Variants in VWA8 observed in about 807,000 individuals in gnomAD.
The protein encoded by VWA8 is von Willebrand factor A domain containing 8, also known as von Willebrand factor A domain-containing protein 8.
Under a neutral mutation model 241.5 loss-of-function variants are expected in VWA8, and 221 were observed. The ratio of observed to expected loss-of-function variants is 0.91; its 90% CI spans 0.82 to 1.02. The LOEUF (loss-of-function observed/expected upper bound fraction) is 1.02, where lower values mean the gene tolerates loss of function less well. Among genes scored for constraint, VWA8 ranks in the 50% least tolerant of loss-of-function variants. The pLI is 0.00. For synonymous variants in VWA8, 852 were observed against 827.1 expected (o/e 1.03, Z -0.52); for missense variants, 2,322 against 2,328.7 (o/e 1.00, Z 0.06).
intron 29 of VWA8, among the ~76,000 whole-genome samples, chr13:41,693,303 T>C (rs1206035332): frequency 6.6e-6 from 1 of 152,066 alleles, no homozygotes; most frequent in Non-Finnish European, 1.5e-5. Context: ...CATGATTCTG[T>C]TTTATTATCT....
intron 35 of VWA8, among the ~76,000 whole-genome samples, chr13:41,683,021 G>A (rs35014929): frequency 0.016 from 2,440 of 152,166 alleles, 37 homozygotes; most frequent in African/African-American, 0.044. Flanking sequence ...ATGCAAAATG[G>A]TATTTCCACT....
intron 2 of VWA8, among the ~76,000 whole-genome samples, chr13:41,930,088 G>A (rs1877034071): frequency 6.6e-6 from 1 of 152,172 alleles, no homozygotes; most frequent in South Asian, 2.1e-4. Flanking sequence ...ATTCTCCAAA[G>A]AAGGTGTAAA....
chr13:41,798,467 T>A (rs1219623695), intron 17 of VWA8, among the ~76,000 whole-genome samples: 3 of 152,232 alleles, frequency 2.0e-5, no homozygotes, highest in Admixed American at 2.0e-4. Context: ...CTCAACACTT[T>A]CAGGATACTA....
intron 25 of VWA8, among the ~76,000 whole-genome samples, chr13:41,720,275 T>C (rs2045378703): frequency 6.6e-6 from 1 of 152,168 alleles, no homozygotes; most frequent in South Asian, 2.1e-4. Context: ...TTTACACTGC[T>C]CATGTCCTCT....
chr13:41,628,928 C>G (rs1362877081), intron 37 of VWA8, among the ~76,000 whole-genome samples: 1 of 152,090 alleles, frequency 6.6e-6, no homozygotes, highest in Non-Finnish European at 1.5e-5. Context: ...GTAGTCCCAG[C>G]TACTCGGGAG....
intron 21 of VWA8, among the ~76,000 whole-genome samples, chr13:41,744,278 A>G (rs761454277): frequency 1.3e-4 from 20 of 152,194 alleles, no homozygotes; most frequent in Non-Finnish European, 2.5e-4. Flanking sequence ...AAACATTTCC[A>G]TCTCTGGTTC....
At chr13:41,623,726 A>T (rs535093847) in intron 37 of VWA8, among the ~76,000 whole-genome samples, 82 of 152,292 alleles carry the variant, frequency 5.4e-4, no homozygotes, top group African/African-American at 1.8e-3. Flanking sequence ...CTCACGTGGG[A>T]TACAGAGATT....
At chr13:41,940,174 A>G (rs951933088) in intron 2 of VWA8, among the ~76,000 whole-genome samples, 1 of 152,208 alleles carries the variant, frequency 6.6e-6, no homozygotes, top group Admixed American at 6.5e-5. Flanking sequence ...TTTCCTGGCT[A>G]TGAACTGAAA....
intron 8 of VWA8, among the ~76,000 whole-genome samples, chr13:41,884,203 A>G (rs1330857781): frequency 1.3e-5 from 2 of 152,146 alleles, no homozygotes; most frequent in Admixed American, 6.5e-5. Context: ...CTTGAATTGT[A>G]GCTCCCACAA....
intron 21 of VWA8, among the ~76,000 whole-genome samples, chr13:41,743,511 A>G (rs1289847769): frequency 6.6e-6 from 1 of 152,212 alleles, no homozygotes; most frequent in Non-Finnish European, 1.5e-5. Flanking sequence ...TCAAATCTGC[A>G]TTGGGTCAAT....
At chr13:41,907,563 G>C in intron 4 of VWA8, 23 bp downstream of exon 4, 2 of 1,600,894 alleles carry the variant, frequency 1.2e-6, no homozygotes, top group Non-Finnish European at 1.7e-6. Flanking sequence ...CACAGTCATG[G>C]GCTAGAGTGT....
At chr13:41,689,254 GAAA>G (rs2045158673) in intron 34 of VWA8, 97 bp downstream of exon 34, 2 of 1,284,500 alleles carry the variant, frequency 1.6e-6, no homozygotes, top group African/African-American at 3.0e-5. Flanking sequence ...TGTTTACCAG[GAAA>G]TTATGTTTTT....
intron 19 of VWA8, among the ~76,000 whole-genome samples, chr13:41,783,449 C>T (rs1391944029): frequency 6.6e-6 from 1 of 151,604 alleles, no homozygotes; most frequent in Non-Finnish European, 1.5e-5. Flanking sequence ...GCCAGCCTGG[C>T]CAATATGGTG....
At chr13:41,765,142 A>G (rs2045770738) in intron 20 of VWA8, among the ~76,000 whole-genome samples, 1 of 152,060 alleles carries the variant, frequency 6.6e-6, no homozygotes, top group East Asian at 1.9e-4. Flanking sequence ...GGCAGGTCAC[A>G]GAAGAAACAG....
intron 43 of VWA8, among the ~76,000 whole-genome samples, chr13:41,572,003 C>G (rs980857122): frequency 2.0e-5 from 3 of 152,146 alleles, no homozygotes; most frequent in African/African-American, 7.2e-5. Context: ...GGTGGCGACC[C>G]CGTCTGGGAA....
In VWA8 at chr13:41,692,918, G is replaced by A. The variant is rs780068099; in HGVS notation, c.3619C>T (p.Leu1207Phe). 2 of 1,611,404 alleles carry A rather than the reference G, an allele frequency of 1.2e-6. 1 individual carries two copies. The highest frequency in any genetic ancestry group is 2.2e-5 in the South Asian group (2 of 90,938). Residue 1207 changes from leucine (L) to phenylalanine (F), a missense_variant, in exon 30 of 45, where the codon CTC (leucine) becomes TTC (phenylalanine). Transcript: ENST00000379310. ...TTAGATGTAAACTTCTCGGAAGGGA[G>A]GATGAGACGATGAAGGGCCCGGCCA... ...TTGRALHRLI[L>F]PSEKFTSKKP...
At chr13:41,716,994 A>G (rs7997427) in intron 26 of VWA8, among the ~76,000 whole-genome samples, 122,305 of 151,486 alleles carry the variant, frequency 0.81, 50,387 homozygotes, top group South Asian at 0.92. Flanking sequence ...CAGGGGTGGA[A>G]AGGGGGAATG....
intron 14 of VWA8, among the ~76,000 whole-genome samples, chr13:41,824,926 A>T (rs934763848): frequency 3.9e-5 from 6 of 152,084 alleles, no homozygotes; most frequent in Non-Finnish European, 8.8e-5. Context: ...TCAGTATATC[A>T]ATGACAGATA....
chr13:41,852,342 C>T (rs574192944), intron 12 of VWA8, among the ~76,000 whole-genome samples: 1 of 152,160 alleles, frequency 6.6e-6, no homozygotes, highest in Non-Finnish European at 1.5e-5. Context: ...GAAATTAACT[C>T]TTTGTCAGCT....
Sources: gnomAD v4.1 joint callset for allele counts (sites outside exome capture counted in the v4.1 genomes callset) on GRCh38, gnomAD v4.1.1 for gene constraint, MANE v1.5 for transcripts, NCBI Gene and HGNC (gene_info 2026-07-23, HGNC 2026-07-21) for gene names.